The following CCSER1 variants were observed in gnomAD, a reference collection of about 807,000 sequenced individuals.
CCSER1 encodes coiled-coil serine rich protein 1, also known as serine-rich coiled-coil domain-containing protein 1.
In CCSER1, 41 loss-of-function variants were observed where a neutral mutation model predicts 82.0. That is an observed-to-expected ratio of 0.50 (90% CI 0.39 to 0.65). The LOEUF is 0.65. CCSER1 is among the 30% of genes least tolerant of loss of function. CCSER1 has a pLI of 0.00. For missense variants in CCSER1, 1,119 were observed against 1,064.2 expected, an observed-to-expected ratio of 1.05 and a Z score of -0.72; for synonymous variants, 414 against 383.9, an observed-to-expected ratio of 1.08 and a Z score of -0.92.
chr4:90,690,884 C>T (rs1355992), intron 6 of CCSER1, among the ~76,000 whole-genome samples: 23,864 of 151,326 alleles, frequency 0.16, 2,121 homozygotes, highest in Middle Eastern at 0.26. Context: ...TTATCTGGGC[C>T]TTTCTATGTT....
intron 10 of CCSER1, among the ~76,000 whole-genome samples, chr4:91,130,876 T>A (rs945772853): frequency 2.0e-5 from 3 of 151,828 alleles, no homozygotes; most frequent in African/African-American, 7.2e-5. Context: ...TAATTAAATA[T>A]ATTATTTAGG....
chr4:90,277,944 A>C (rs576980317), intron 1 of CCSER1, among the ~76,000 whole-genome samples: 1 of 152,238 alleles, frequency 6.6e-6, no homozygotes, highest in South Asian at 2.1e-4. Flanking sequence ...TTTGACAAAG[A>C]TCTAATATCC....
At chr4:90,292,500 A>G (rs946468163) in intron 1 of CCSER1, among the ~76,000 whole-genome samples, 1 of 151,974 alleles carries the variant, frequency 6.6e-6, no homozygotes, top group Admixed American at 6.6e-5. Flanking sequence ...TGTGATCATT[A>G]TATGTTGAGT....
intron 10 of CCSER1, among the ~76,000 whole-genome samples, chr4:91,543,307 G>C (rs1009312893): frequency 2.6e-5 from 4 of 152,070 alleles, no homozygotes; most frequent in Non-Finnish European, 5.9e-5. Flanking sequence ...TTACATTTAA[G>C]GTTAATATTG....
intron 5 of CCSER1, among the ~76,000 whole-genome samples, chr4:90,477,862 A>G (rs1253444335): frequency 6.6e-6 from 1 of 152,154 alleles, no homozygotes; most frequent in African/African-American, 2.4e-5. Flanking sequence ...AAAATTAGAT[A>G]TGAATAGAGC....
intron 10 of CCSER1, among the ~76,000 whole-genome samples, chr4:91,424,242 C>A (rs905014064): frequency 1.3e-5 from 2 of 151,502 alleles, no homozygotes; most frequent in Non-Finnish European, 2.9e-5. Flanking sequence ...TGGTCTCGAT[C>A]TCCTGACCTC....
At chr4:91,048,455 G>A (rs1402154012) in intron 9 of CCSER1, among the ~76,000 whole-genome samples, 2 of 151,766 alleles carry the variant, frequency 1.3e-5, no homozygotes, top group African/African-American at 4.8e-5. Flanking sequence ...TTTAAATAAT[G>A]TGTTTTTGTT....
rs531600879 is a variant in CCSER1, at chr4:91,079,580, T to G, written c.2173-6370T>G. 6.6e-5 allele frequency among the ~76,000 whole-genome samples: 10 copies of G among 152,300 alleles called. No individual in the cohort carries two copies. In the East Asian group the frequency reaches 1.9e-3, roughly 29 times the overall value. ...AATTCACACATAACAATATGAATCT[T>G]AAATGTAAATGGGCTAAATGCTCCA... On this transcript the variant is annotated intron_variant, in intron 9 of 10. Coordinates refer to ENST00000509176, the MANE Select transcript of CCSER1 (RefSeq NM_001145065.2).
At chr4:90,640,566 G>A (rs1478154926) in intron 6 of CCSER1, among the ~76,000 whole-genome samples, 2 of 152,068 alleles carry the variant, frequency 1.3e-5, no homozygotes, top group African/African-American at 2.4e-5. Context: ...GATATGATTA[G>A]GCTTTACGTC....
At chr4:91,072,987 A>AT (rs1271735366) in intron 9 of CCSER1, among the ~76,000 whole-genome samples, 1 of 152,026 alleles carries the variant, frequency 6.6e-6, no homozygotes, top group African/African-American at 2.4e-5. Context: ...AGGATTTTCC[A>AT]TTTTTACAAA....
rs529212326 is a variant in CCSER1, at chr4:90,440,007, A to T, written c.1604-28227A>T. Reference sequence around the variant, plus strand: ...CTTCCTAGTAATGTTTTGTTATTTTATTTTTTTTTTTAGACAGAATCTTGC... The same window carrying T: ...CTTCCTAGTAATGTTTTGTTATTTTTTTTTTTTTTTTAGACAGAATCTTGC... On this transcript the variant is annotated intron_variant, in intron 4 of 10. Coordinates refer to ENST00000509176, the MANE Select transcript of CCSER1 (RefSeq NM_001145065.2). Among the ~76,000 whole-genome samples the T allele has an allele frequency of 2.7e-3, 402 of 147,410 alleles. 4 individuals are homozygous for T. The highest frequency in any genetic ancestry group is 4.1e-3 in the Admixed American group (60 of 14,728).
intron 1 of CCSER1, among the ~76,000 whole-genome samples, chr4:90,264,245 C>T (rs1294955442): frequency 6.6e-6 from 1 of 152,152 alleles, no homozygotes; most frequent in Admixed American, 6.6e-5. Context: ...GTGTTTTGAG[C>T]AGTTTTCTAC....
intron 3 of CCSER1, among the ~76,000 whole-genome samples, chr4:90,358,010 A>C (rs1246666421): frequency 6.6e-6 from 1 of 152,054 alleles, no homozygotes; most frequent in African/African-American, 2.4e-5. Context: ...CCTAAAAAAA[A>C]TATGAAGTCC....
chr4:90,691,552 T>G (rs541963207), intron 6 of CCSER1, among the ~76,000 whole-genome samples: 1 of 131,924 alleles, frequency 7.6e-6, no homozygotes, highest in African/African-American at 2.6e-5. Context: ...TGTGTACATA[T>G]CACATGTGTG....
At chr4:91,114,140 C>T (rs990127853) in intron 10 of CCSER1, among the ~76,000 whole-genome samples, 2 of 152,192 alleles carry the variant, frequency 1.3e-5, no homozygotes, top group African/African-American at 4.8e-5. Flanking sequence ...GCTTGAGCCA[C>T]CATGCCCAGC....
At chr4:90,306,587 A>T (rs976205160) in intron 1 of CCSER1, among the ~76,000 whole-genome samples, 2 of 152,186 alleles carry the variant, frequency 1.3e-5, no homozygotes, top group African/African-American at 2.4e-5. Context: ...AAAATATTAA[A>T]TACTTATGAA....
intron 3 of CCSER1, among the ~76,000 whole-genome samples, chr4:90,389,853 A>G (rs993607811): frequency 2.0e-5 from 3 of 152,140 alleles, no homozygotes; most frequent in Non-Finnish European, 4.4e-5. Context: ...ATAGAGATGC[A>G]GTCTTGCTAT....
intron 8 of CCSER1, among the ~76,000 whole-genome samples, chr4:90,906,940 T>C (rs2150173453): frequency 6.6e-6 from 1 of 152,304 alleles, no homozygotes; most frequent in African/African-American, 2.4e-5. Flanking sequence ...TTTGTATGTG[T>C]GCGTGTGCAC....
intron 5 of CCSER1, among the ~76,000 whole-genome samples, chr4:90,526,979 C>T (rs1025383261): frequency 6.6e-6 from 1 of 152,180 alleles, no homozygotes; most frequent in African/African-American, 2.4e-5. Flanking sequence ...CTAATTTACA[C>T]TCCCACCAAC....
Sources: gnomAD v4.1 joint callset for allele counts (sites outside exome capture counted in the v4.1 genomes callset) on GRCh38, gnomAD v4.1.1 for gene constraint, MANE v1.5 for transcripts, NCBI Gene and HGNC (gene_info 2026-07-23, HGNC 2026-07-21) for gene names.